The following CNIH3 variants were observed in gnomAD, a reference collection of about 807,000 sequenced individuals.
The protein encoded by CNIH3 is protein cornichon homolog 3.
Under a neutral mutation model 24.1 loss-of-function variants are expected in CNIH3, and 14 were observed. That is an observed-to-expected ratio of 0.58 (90% CI 0.38 to 0.91). CNIH3 has a LOEUF of 0.91. Ranked by LOEUF, CNIH3 falls within the 40% of genes least tolerant of loss-of-function variation. CNIH3 has a pLI of 0.00. For missense variants in CNIH3, 178 were observed against 196.8 expected (o/e 0.90, Z 0.57); for synonymous variants, 68 against 73.8 (o/e 0.92, Z 0.40).
chr1:224,691,322 G>A (rs559440731), intron 3 of CNIH3, among the ~76,000 whole-genome samples: 92 of 152,336 alleles, frequency 6.0e-4, no homozygotes, highest in African/African-American at 2.2e-3. Flanking sequence ...TTTGCACTAT[G>A]ACTTTGCAGT....
intron 1 of CNIH3, among the ~76,000 whole-genome samples, chr1:224,664,249 G>A (rs1685494109): frequency 6.6e-6 from 1 of 152,190 alleles, no homozygotes; most frequent in Non-Finnish European, 1.5e-5. Flanking sequence ...TTCCTTGCCT[G>A]AGGGTCGGTT....
rs150811896 is a variant in CNIH3, at chr1:224,608,358, G to A, written n.402+42094G>A. Among the ~76,000 whole-genome samples the A allele has an allele frequency of 1.4e-4, 21 of 152,198 alleles. No individual in the cohort carries two copies. The South Asian group carries it at 1.5e-3, about 11-fold the overall frequency. On this transcript the variant is annotated intron_variant and non_coding_transcript_variant, in intron 3 of 7. Coordinates refer to the CNIH3 transcript ENST00000478120. ...AGTTAAAGAAGGAAGGGCTTTATTC[G>A]GCCGGGAGTGTTGGCAAGACTCATG...
At chr1:224,453,371 A>G (rs888025269) in intron 1 of CNIH3, among the ~76,000 whole-genome samples, 2 of 150,686 alleles carry the variant, frequency 1.3e-5, no homozygotes, top group Middle Eastern at 3.2e-3. Flanking sequence ...TTTTTTTTGT[A>G]GAAACGGTTT....
intron 1 of CNIH3, among the ~76,000 whole-genome samples, chr1:224,637,247 C>T (rs1315821147): frequency 6.6e-6 from 1 of 152,098 alleles, no homozygotes; most frequent in Non-Finnish European, 1.5e-5. Flanking sequence ...ACCACCACGC[C>T]CAGCGAGAGA....
intron 1 of CNIH3, among the ~76,000 whole-genome samples, chr1:224,631,802 G>A (rs1244485205): frequency 6.6e-6 from 1 of 152,200 alleles, no homozygotes; most frequent in African/African-American, 2.4e-5. Context: ...GGGGAGGAAA[G>A]CAGAGTCTTG....
Position 224,562,201 on chromosome 1 carries a change from C to A in CNIH3, n.451-3998C>A, listed in dbSNP as rs142346575. On this transcript the variant is annotated intron_variant and non_coding_transcript_variant, in intron 3 of 5. Transcript: ENST00000471578. ...TACATCATCTCATTTACTCTTTAAC[C>A]GGCTTTTGGAATACAAGAGAAAATG... 4.0e-3 allele frequency among the ~76,000 whole-genome samples: 614 copies of A among 152,248 alleles called. 4 individuals carry two copies. Among genetic ancestry groups the A allele is most frequent in the African/African-American group, 0.014 (598 of 41,532 alleles).
At chr1:224,557,238 G>A (rs1024528161) in intron 3 of CNIH3, among the ~76,000 whole-genome samples, 2 of 152,026 alleles carry the variant, frequency 1.3e-5, no homozygotes, top group African/African-American at 2.4e-5. Flanking sequence ...TGTAGAGATA[G>A]GGTGTTGCTG....
At chr1:224,494,430 G>A (rs1366023989) in intron 1 of CNIH3, among the ~76,000 whole-genome samples, 1 of 152,134 alleles carries the variant, frequency 6.6e-6, no homozygotes. Flanking sequence ...GCTACATCTT[G>A]TGTTCCCCCT....
At chr1:224,654,712 C>G (rs1685018611) in intron 1 of CNIH3, among the ~76,000 whole-genome samples, 1 of 152,198 alleles carries the variant, frequency 6.6e-6, no homozygotes, top group South Asian at 2.1e-4. Flanking sequence ...CATTAAGAAG[C>G]TGTATTGCCC....
intron 1 of CNIH3, among the ~76,000 whole-genome samples, chr1:224,448,884 G>A (rs566436296): frequency 2.9e-4 from 44 of 151,958 alleles, no homozygotes; most frequent in African/African-American, 9.4e-4. Flanking sequence ...CAGAGGCCTC[G>A]TGCCTGCCTG....
chr1:224,709,375 T>TATC (rs1410148135), intron 3 of CNIH3, among the ~76,000 whole-genome samples: 1 of 152,228 alleles, frequency 6.6e-6, no homozygotes, highest in Non-Finnish European at 1.5e-5. Context: ...AGTGCTTATG[T>TATC]ATCACACTTA....
chr1:224,621,389 G>A (rs561973627), intron 1 of CNIH3, among the ~76,000 whole-genome samples: 5 of 152,308 alleles, frequency 3.3e-5, no homozygotes, highest in African/African-American at 1.2e-4. Flanking sequence ...CAAAAAATGG[G>A]TTTATGTGAA....
In CNIH3 at chr1:224,684,991, T is replaced by C; in HGVS notation, c.198+148T>C. The C allele has an allele frequency of 1.3e-6, 1 of 768,440 alleles. No individual in the cohort carries two copies. Among genetic ancestry groups the C allele is most frequent in the South Asian group, 1.5e-5 (1 of 67,846 alleles). 47.6% of individuals were successfully genotyped at this position (768,440 alleles called of 1,614,324 possible). Reference sequence around the variant, plus strand: ...AGGGAAAGGGGGAGGTGGGAGCAAGTGATCAGTTCTTTGGAAACCTCCAGA... The same window carrying C: ...AGGGAAAGGGGGAGGTGGGAGCAAGCGATCAGTTCTTTGGAAACCTCCAGA... On this transcript the variant is annotated intron_variant, in intron 3 of 5. Coordinates refer to ENST00000272133, the MANE Select transcript of CNIH3 (RefSeq NM_152495.2). The surrounding 1 kb of genome is among the most constrained non-coding windows in gnomAD (Gnocchi z 4.2).
At chr1:224,681,229 G>A (rs1416132324) in intron 2 of CNIH3, among the ~76,000 whole-genome samples, 13 of 152,186 alleles carry the variant, frequency 8.5e-5, no homozygotes, top group African/African-American at 2.9e-4. Flanking sequence ...CAAATCAGAT[G>A]TGACTGTCCC....
At chr1:224,568,161 G>A (rs763866673) in intron 4 of CNIH3, among the ~76,000 whole-genome samples, 6 of 152,142 alleles carry the variant, frequency 3.9e-5, no homozygotes, top group South Asian at 4.2e-4. Flanking sequence ...ATGGTGGCAC[G>A]TGCCTGTTAT....
chr1:224,714,736 G>A (rs1488712634), intron 3 of CNIH3, among the ~76,000 whole-genome samples: 3 of 152,274 alleles, frequency 2.0e-5, no homozygotes, highest in East Asian at 3.9e-4. Context: ...GGGTCACTCC[G>A]TTCATCCACC....
intron 1 of CNIH3, among the ~76,000 whole-genome samples, chr1:224,657,461 G>A (rs1351708016): frequency 1.3e-5 from 2 of 151,856 alleles, no homozygotes; most frequent in East Asian, 3.9e-4. Flanking sequence ...TATTGATAAG[G>A]GTTTATTTTA....
intron 3 of CNIH3, among the ~76,000 whole-genome samples, chr1:224,710,734 A>G (rs1688094437): frequency 6.6e-6 from 1 of 152,208 alleles, no homozygotes; most frequent in Non-Finnish European, 1.5e-5. Flanking sequence ...TGAGATCCTC[A>G]TGCCATTACT....
At chr1:224,726,621 G>A (rs1028819528) in intron 3 of CNIH3, among the ~76,000 whole-genome samples, 1 of 152,110 alleles carries the variant, frequency 6.6e-6, no homozygotes, top group African/African-American at 2.4e-5. Context: ...CTTCTAGGAT[G>A]CCGACCTCTG....
Sources: allele counts gnomAD v4.1 joint callset (sites outside exome capture counted in the v4.1 genomes callset), GRCh38; gene constraint gnomAD v4.1.1; non-coding constraint Gnocchi (gnomAD v3.1); transcripts MANE v1.5; gene names NCBI Gene and HGNC (gene_info 2026-07-23, HGNC 2026-07-21).